PDE4D: variants seen among roughly 807,000 people sequenced by gnomAD.
PDE4D encodes 3',5'-cyclic-AMP phosphodiesterase 4D.
PDE4D carries 24 observed loss-of-function variants against 87.4 expected under a neutral mutation model. The ratio of observed to expected loss-of-function variants is 0.27; its 90% CI spans 0.20 to 0.39. PDE4D has a LOEUF of 0.39. Among genes scored for constraint, PDE4D ranks in the 10% least tolerant of loss-of-function variants. PDE4D has a pLI of 1.00. For synonymous variants in PDE4D, 384 were observed against 383.2 expected (o/e 1.00, Z -0.02); for missense variants, 714 against 1,041.0 (o/e 0.69, Z 4.32).
At chr5:59,160,763 G>T (rs912718160) in intron 5 of PDE4D, among the ~76,000 whole-genome samples, 1 of 151,746 alleles carries the variant, frequency 6.6e-6, no homozygotes, top group Non-Finnish European at 1.5e-5. Flanking sequence ...AGTGGCAGGC[G>T]TAATATGCCT....
intron 1 of PDE4D, among the ~76,000 whole-genome samples, chr5:59,853,848 A>G (rs992393286): frequency 6.6e-6 from 1 of 152,028 alleles, no homozygotes. Context: ...TTTGGTTTCA[A>G]TTAAAAAATT....
intron 1 of PDE4D, among the ~76,000 whole-genome samples, chr5:59,472,030 G>A (rs961208898): frequency 1.3e-5 from 2 of 152,164 alleles, no homozygotes; most frequent in African/African-American, 4.8e-5. Flanking sequence ...ATATATGACA[G>A]TAGGGAGATG....
intron 2 of PDE4D, among the ~76,000 whole-genome samples, chr5:60,170,393 A>T (rs1783308414): frequency 6.6e-6 from 1 of 152,014 alleles, no homozygotes; most frequent in Admixed American, 6.5e-5. Flanking sequence ...GAACAAACTA[A>T]AAAAGAAGGA....
chr5:59,720,286 T>C (rs1755643757), intron 1 of PDE4D, among the ~76,000 whole-genome samples: 1 of 152,110 alleles, frequency 6.6e-6, no homozygotes, highest in Non-Finnish European at 1.5e-5. Context: ...CTCAGTCTCC[T>C]GAGTAGCCAG....
intron 5 of PDE4D, among the ~76,000 whole-genome samples, chr5:59,126,287 T>C (rs1041221983): frequency 2.6e-5 from 4 of 152,212 alleles, no homozygotes; most frequent in African/African-American, 7.2e-5. Flanking sequence ...AATTTACTTG[T>C]ATCCTTTCAG....
chr5:59,449,513 A>T (rs1043722859), intron 1 of PDE4D, among the ~76,000 whole-genome samples: 1 of 152,056 alleles, frequency 6.6e-6, no homozygotes, highest in African/African-American at 2.4e-5. Flanking sequence ...CTTTATATGA[A>T]TTTTTCATAT....
chr5:60,255,081 T>C (rs1001813230), intron 1 of PDE4D, among the ~76,000 whole-genome samples: 1 of 151,938 alleles, frequency 6.6e-6, no homozygotes, highest in Non-Finnish European at 1.5e-5. Context: ...TTACACTTTT[T>C]CTTGCTTTGA....
chr5:59,180,472 GAAGA>G (rs1339824964), intron 5 of PDE4D, 119 bp downstream of exon 5: 13 of 796,352 alleles, frequency 1.6e-5, no homozygotes, highest in Non-Finnish European at 2.0e-5. Flanking sequence ...ATAATGTAGA[GAAGA>G]AAGAATTTCT....
chr5:59,713,582 T>C (rs531473349), intron 1 of PDE4D, among the ~76,000 whole-genome samples: 4 of 152,172 alleles, frequency 2.6e-5, no homozygotes, highest in African/African-American at 9.6e-5. Context: ...AACCTGACAA[T>C]TGGCATCACG....
intron 1 of PDE4D, among the ~76,000 whole-genome samples, chr5:59,348,793 ATGAAT>A (rs1018937522): frequency 6.6e-6 from 1 of 152,010 alleles, no homozygotes; most frequent in Admixed American, 6.6e-5. Flanking sequence ...TTACCAGCTA[ATGAAT>A]TATATAATTT....
intron 1 of PDE4D, among the ~76,000 whole-genome samples, chr5:59,360,808 T>TGA (rs900967196): frequency 2.6e-5 from 4 of 152,092 alleles, no homozygotes; most frequent in African/African-American, 4.8e-5. Context: ...TTAACAGAAT[T>TGA]GAAGGTACCC....
At chr5:59,442,039 C>T (rs1797698878) in intron 1 of PDE4D, among the ~76,000 whole-genome samples, 1 of 152,142 alleles carries the variant, frequency 6.6e-6, no homozygotes, top group Admixed American at 6.5e-5. Flanking sequence ...ATAAAAAATA[C>T]ACTATTTATA....
At chr5:58,980,292 T>G (rs951854935) in intron 11 of PDE4D, among the ~76,000 whole-genome samples, 2 of 152,142 alleles carry the variant, frequency 1.3e-5, no homozygotes, top group Admixed American at 6.5e-5. Context: ...TAGGTAACTT[T>G]GCCAACATCA....
chr5:60,425,260 A>T (rs1322027945), intron 1 of PDE4D, among the ~76,000 whole-genome samples: 2 of 152,258 alleles, frequency 1.3e-5, no homozygotes, highest in Admixed American at 1.3e-4. Context: ...AGCTGGAAGC[A>T]TCACGCTACC....
At chr5:60,491,308 C>A (rs1749518872), upstream of PDE4D, 2 of 152,126 alleles carry the variant, frequency 1.3e-5, no homozygotes, top group Non-Finnish European at 2.9e-5. Flanking sequence ...AGTTCATGTT[C>A]TTGGTTCAGA....
intron 1 of PDE4D, among the ~76,000 whole-genome samples, chr5:60,335,764 G>T (rs542971398): frequency 6.6e-6 from 1 of 152,106 alleles, no homozygotes; most frequent in African/African-American, 2.4e-5. Context: ...TGAAATCATT[G>T]GTGTTGAGAA....
At chr5:59,031,366 T>G (rs1481405263) in intron 6 of PDE4D, among the ~76,000 whole-genome samples, 19 of 32,528 alleles carry the variant, frequency 5.8e-4, no homozygotes, top group African/African-American at 1.6e-3. Context: ...AAATGTGATA[T>G]ATATATATAT....
chr5:59,523,866 G>T (rs374201365), intron 1 of PDE4D, among the ~76,000 whole-genome samples: 1 of 152,118 alleles, frequency 6.6e-6, no homozygotes, highest in Non-Finnish European at 1.5e-5. Flanking sequence ...GTTTTATAAG[G>T]GGCTTTTTCC....
intron 1 of PDE4D, among the ~76,000 whole-genome samples, chr5:59,346,597 A>G (rs558543268): frequency 1.3e-5 from 2 of 152,188 alleles, no homozygotes; most frequent in South Asian, 4.2e-4. Flanking sequence ...CTCAGTTTAC[A>G]CGGATTTGCT....
Sources: gnomAD v4.1 joint callset for allele counts (sites outside exome capture counted in the v4.1 genomes callset) on GRCh38, gnomAD v4.1.1 for gene constraint, MANE v1.5 for transcripts, NCBI Gene and HGNC (gene_info 2026-07-23, HGNC 2026-07-21) for gene names.